CMIP: variants seen among roughly 807,000 people sequenced by gnomAD.
CMIP encodes c-Maf inducing protein, also known as C-Maf-inducing protein.
In CMIP, 13 loss-of-function variants were observed where a neutral mutation model predicts 97.3. The observed-to-expected ratio is 0.13, with a 90% CI of 0.09 to 0.21. The LOEUF (loss-of-function observed/expected upper bound fraction) is 0.21. CMIP is among the 10% of genes least tolerant of loss of function. CMIP has a pLI of 1.00. For synonymous variants in CMIP, 538 were observed against 436.3 expected (o/e 1.23, Z -2.91); for missense variants, 847 against 1,024.9 (o/e 0.83, Z 2.37).
intron 7 of CMIP, chr16:81,664,671 C>T: frequency 1.8e-6 from 1 of 561,012 alleles, no homozygotes; most frequent in East Asian, 2.9e-5. Flanking sequence ...CAGAGCGCGA[C>T]TTTGCACTCC....
chr16:81,573,308 C>T (rs990095351), intron 1 of CMIP, among the ~76,000 whole-genome samples: 9 of 151,294 alleles, frequency 5.9e-5, no homozygotes, highest in African/African-American at 2.2e-4. Context: ...CGCGTCACTG[C>T]ACTCCAGCCT....
At chr16:81,548,120 G>T (rs2150850578) in intron 1 of CMIP, among the ~76,000 whole-genome samples, 2 of 148,404 alleles carry the variant, frequency 1.3e-5, no homozygotes, top group Non-Finnish European at 3.0e-5. Context: ...TGACATCTAA[G>T]GATGGATCAC....
At chr16:81,534,315 C>A (rs761143903) in intron 1 of CMIP, among the ~76,000 whole-genome samples, 1 of 152,144 alleles carries the variant, frequency 6.6e-6, no homozygotes, top group African/African-American at 2.4e-5. Flanking sequence ...GGTTTGTTGA[C>A]TGTTTGCATT....
chr16:81,530,081 G>C (rs765923679), intron 1 of CMIP, among the ~76,000 whole-genome samples: 12 of 152,212 alleles, frequency 7.9e-5, no homozygotes, highest in Non-Finnish European at 1.8e-4. Context: ...TTCTCAAAGA[G>C]TCCATCTTTC....
At chr16:81,498,282 T>C (rs1225720100) in intron 1 of CMIP, among the ~76,000 whole-genome samples, 3 of 152,254 alleles carry the variant, frequency 2.0e-5, no homozygotes, top group Non-Finnish European at 4.4e-5. Context: ...GCTTGTCATG[T>C]TGGGGTCTGT....
At chr16:81,485,121 T>C (rs1208786039) in intron 1 of CMIP, among the ~76,000 whole-genome samples, 3 of 152,238 alleles carry the variant, frequency 2.0e-5, no homozygotes, top group Admixed American at 2.0e-4. Flanking sequence ...TCTTATTTTT[T>C]ATTCCGACAT....
At position 81,563,812 on chromosome 16, in the gene CMIP, C is replaced by A. The variant is rs1395330473; in HGVS notation, c.301-43755C>A. Among the ~76,000 whole-genome samples the A allele has an allele frequency of 3.3e-5, 5 of 152,344 alleles. No homozygotes were observed. In the East Asian group the frequency reaches 9.6e-4, roughly 29 times the overall value. ...CTAGAAAAGCTTCTGCCTTTTAGCC[C>A]TGATTCTGCTGAGGGAGGGTCAGCA... On this transcript the variant is annotated intron_variant, in intron 1 of 20. Transcript: ENST00000537098.
chr16:81,548,225 C>A (rs561600240), intron 1 of CMIP, among the ~76,000 whole-genome samples: 1 of 150,708 alleles, frequency 6.6e-6, no homozygotes, highest in East Asian at 2.0e-4. Flanking sequence ...CCTCGACTTC[C>A]TGGGCTCAAG....
chr16:81,457,707 C>T (rs530487060), intron 1 of CMIP, among the ~76,000 whole-genome samples: 62 of 152,336 alleles, frequency 4.1e-4, no homozygotes, highest in African/African-American at 1.1e-3. Flanking sequence ...AGGGGCTGCC[C>T]GGGCTGGCAT....
intron 1 of CMIP, among the ~76,000 whole-genome samples, chr16:81,602,114 A>C (rs75173720): frequency 0.028 from 4,222 of 152,294 alleles, 138 homozygotes; most frequent in East Asian, 0.15. Context: ...CATAAAATGA[A>C]ACAGTGGCAC....
At chr16:81,598,772 G>C (rs530451588) in intron 1 of CMIP, among the ~76,000 whole-genome samples, 41 of 152,180 alleles carry the variant, frequency 2.7e-4, no homozygotes, top group African/African-American at 9.9e-4. Flanking sequence ...TTTGAGACCA[G>C]CCTGGCCAAC....
chr16:81,559,265 C>T (rs572076113), intron 1 of CMIP, among the ~76,000 whole-genome samples: 1 of 152,198 alleles, frequency 6.6e-6, no homozygotes, highest in Admixed American at 6.5e-5. Flanking sequence ...GTAAGAGTGA[C>T]CCCCAAGAGT....
chr16:81,663,113 A>ATT (rs1445661976), intron 6 of CMIP, among the ~76,000 whole-genome samples: 1,889 of 137,274 alleles, frequency 0.014, 46 homozygotes, highest in African/African-American at 0.048. Context: ...AAAAAAAAAA[A>ATT]TTTTAAGGCT....
intron 1 of CMIP, among the ~76,000 whole-genome samples, chr16:81,602,666 A>G (rs1386947572): frequency 6.6e-6 from 1 of 152,238 alleles, no homozygotes; most frequent in Non-Finnish European, 1.5e-5. Context: ...TATAAATGGA[A>G]TCATACAGTA....
intron 1 of CMIP, among the ~76,000 whole-genome samples, chr16:81,590,135 C>G (rs965850593): frequency 7.9e-5 from 12 of 152,210 alleles, no homozygotes; most frequent in African/African-American, 2.9e-4. Context: ...CCCTGTCTGC[C>G]AGCCTGGACA....
intron 10 of CMIP, among the ~76,000 whole-genome samples, chr16:81,680,994 C>G (rs1265261513): frequency 6.6e-6 from 1 of 152,172 alleles, no homozygotes; most frequent in Non-Finnish European, 1.5e-5. Context: ...TCTGTTCTCC[C>G]CCATCTGCGT....
chr16:81,504,209 C>G, intron 1 of CMIP, among the ~76,000 whole-genome samples: 1 of 151,924 alleles, frequency 6.6e-6, no homozygotes. Flanking sequence ...GCCAGTAATC[C>G]CAAGTACTTG....
At position 81,560,620 on chromosome 16, in the gene CMIP, G is replaced by A. The variant is rs114900440; in HGVS notation, c.301-46947G>A. On this transcript the variant is annotated intron_variant, in intron 1 of 20. Transcript: ENST00000537098. Reference sequence around the variant, plus strand: ...TCTCAGGCCTTCACATTCACTCACCGCTCACTCACTCACCCACCCAGAACA... The same window carrying A: ...TCTCAGGCCTTCACATTCACTCACCACTCACTCACTCACCCACCCAGAACA... Among the ~76,000 whole-genome samples, 433 of 152,208 alleles carry A rather than the reference G, an allele frequency of 2.8e-3. 1 individual carries two copies. The highest frequency in any genetic ancestry group is 0.01 in the African/African-American group (419 of 41,526).
At chr16:81,594,186 C>T (rs781617220) in intron 1 of CMIP, among the ~76,000 whole-genome samples, 3 of 145,704 alleles carry the variant, frequency 2.1e-5, no homozygotes, top group Non-Finnish European at 4.5e-5. Context: ...GGTGCAATAT[C>T]GGCTCAGTGC....
Sources: gnomAD v4.1 joint callset for allele counts (sites outside exome capture counted in the v4.1 genomes callset) on GRCh38, gnomAD v4.1.1 for gene constraint, MANE v1.5 for transcripts, NCBI Gene and HGNC (gene_info 2026-07-23, HGNC 2026-07-21) for gene names.